The following ADAD1 variants were observed in gnomAD, a reference collection of about 807,000 sequenced individuals.
ADAD1 encodes the protein adenosine deaminase domain-containing protein 1.
ADAD1 carries 46 observed loss-of-function variants against 66.8 expected under a neutral mutation model. That is an observed-to-expected ratio of 0.69 (90% CI 0.54 to 0.88). The LOEUF is 0.88. Ranked by LOEUF, ADAD1 falls within the 40% of genes least tolerant of loss-of-function variation. The pLI is 0.00. For missense variants in ADAD1, 617 were observed against 681.8 expected (o/e 0.91, Z 1.06); for synonymous variants, 248 against 229.4 (o/e 1.08, Z -0.73).
intron 5 of ADAD1, among the ~76,000 whole-genome samples, chr4:122,391,231 C>T (rs1795421038): frequency 6.6e-6 from 1 of 152,224 alleles, no homozygotes; most frequent in South Asian, 2.1e-4. Context: ...AAGATGGGTG[C>T]CTGCTCCTCC....
chr4:122,410,240 C>G (rs1037791865), intron 8 of ADAD1, among the ~76,000 whole-genome samples: 8 of 152,120 alleles, frequency 5.3e-5, no homozygotes, highest in Admixed American at 5.2e-4. Flanking sequence ...CATCTCATTG[C>G]CCTCCACCCC....
chr4:122,400,001 T>G (rs1795898062), intron 7 of ADAD1, among the ~76,000 whole-genome samples: 1 of 152,092 alleles, frequency 6.6e-6, no homozygotes. Context: ...ATTTCTGTCT[T>G]TTGTCAGGTT....
At chr4:122,391,777 T>C (rs548887070) in intron 5 of ADAD1, among the ~76,000 whole-genome samples, 5 of 152,344 alleles carry the variant, frequency 3.3e-5, no homozygotes, top group Middle Eastern at 3.4e-3. Context: ...TGGCGCAGTC[T>C]TAGCTCACTG....
chr4:122,409,290 TCTC>T (rs907556835), intron 8 of ADAD1, among the ~76,000 whole-genome samples: 81 of 152,354 alleles, frequency 5.3e-4, no homozygotes, highest in African/African-American at 1.9e-3. Flanking sequence ...GAGTGCTACT[TCTC>T]ATAATATCCA....
chr4:122,383,031 G>A (rs72928022), intron 4 of ADAD1, among the ~76,000 whole-genome samples: 6 of 152,188 alleles, frequency 3.9e-5, no homozygotes, highest in African/African-American at 1.2e-4. Context: ...ATTCCTAAAG[G>A]CCTCCTAAAG....
In ADAD1 at chr4:122,381,047, CCT is replaced by C. The variant is rs779059223; in HGVS notation, c.229_230del (p.Leu77SerfsTer7). ...KNLSSISNPV[L>X]PPKKIPKEFI... ...ATCTTTCATCTATTTCAAATCCTGTCCTTCCTCCAAAAAAAATACCTAAGGAA... is the reference window on the plus strand; with the variant it reads ...ATCTTTCATCTATTTCAAATCCTGTCTCCTCCAAAAAAAATACCTAAGGAA... On this transcript the variant is annotated frameshift_variant, in exon 4 of 13. Transcript: ENST00000296513. LOFTEE classifies it high-confidence loss of function. 1.3e-6 allele frequency: 2 copies of C among 1,599,672 alleles called. No individual in the cohort carries two copies. The highest frequency in any genetic ancestry group is 1.7e-6 in the Non-Finnish European group (2 of 1,176,848).
chr4:122,380,144 A>G lies in ADAD1; in HGVS notation c.75A>G (p.Pro25=). 2 of 1,614,184 alleles carry G rather than the reference A, an allele frequency of 1.2e-6. No individual in the cohort carries two copies. The highest frequency in any genetic ancestry group is 1.7e-6 in the Non-Finnish European group (2 of 1,180,026). The change falls in exon 3 of 13, where the codon CCA becomes CCG. Residue 25 remains proline, a synonymous_variant. Coordinates refer to ENST00000296513, the MANE Select transcript of ADAD1 (RefSeq NM_139243.4). ...CCCAGATGCTGAAAAAGAACCTGCC[A>G]GTTCAACCAGCGACAAAGACGATAA... ...SFAQMLKKNL[P]VQPATKTITT...
intron 7 of ADAD1, among the ~76,000 whole-genome samples, chr4:122,405,201 G>A (rs1796152362): frequency 6.6e-6 from 1 of 152,134 alleles, no homozygotes; most frequent in African/African-American, 2.4e-5. Flanking sequence ...TCTGTGCCCA[G>A]GTGTCCATGA....
chr4:122,385,472 C>A (rs1580737744), intron 5 of ADAD1, among the ~76,000 whole-genome samples: 1 of 152,212 alleles, frequency 6.6e-6, no homozygotes, highest in South Asian at 2.1e-4. Context: ...GGGGTTTCAC[C>A]ATGTTGGCCA....
chr4:122,419,230 G>A (rs1796896957), intron 11 of ADAD1, among the ~76,000 whole-genome samples: 1 of 152,164 alleles, frequency 6.6e-6, no homozygotes, highest in African/African-American at 2.4e-5. Context: ...CCTCTGCAGG[G>A]CCATGGATGG....
At chr4:122,384,313 T>A (rs1039144128) in intron 5 of ADAD1, among the ~76,000 whole-genome samples, 1 of 152,196 alleles carries the variant, frequency 6.6e-6, no homozygotes, top group African/African-American at 2.4e-5. Flanking sequence ...AATGCAGCGT[T>A]TGTGAAGTTT....
Position 122,408,027 on chromosome 4 carries a change from C to G in ADAD1, c.844C>G (p.Leu282Val). 6.2e-7 allele frequency: 1 copy of G among 1,612,402 alleles called. No homozygotes were observed. Among genetic ancestry groups the G allele is most frequent in the East Asian group, 2.2e-5 (1 of 44,738 alleles). Residue 282 changes from leucine to valine, a missense_variant, in exon 8 of 13, where the codon CTT becomes GTT. Coordinates refer to ENST00000296513, the MANE Select transcript of ADAD1 (RefSeq NM_139243.4). ...HAVVTARRSL[L>V]RYFYRQLLLF... ...TGTTGTTACAGCAAGAAGGTCTCTT[C>G]TTAGGTAAGACAATACATATATTAA...
intron 3 of ADAD1, 106 bp downstream of exon 3, chr4:122,380,347 A>G: frequency 7.4e-7 from 1 of 1,351,812 alleles, no homozygotes; most frequent in Non-Finnish European, 1.0e-6. Context: ...TTGTATAGAC[A>G]TTTACCCGTG....
intron 7 of ADAD1, among the ~76,000 whole-genome samples, chr4:122,399,751 T>TC (rs1487118421): frequency 6.6e-5 from 10 of 151,040 alleles, no homozygotes; most frequent in African/African-American, 2.2e-4. Flanking sequence ...TTTTTTTTTT[T>TC]TTTTTTTAGC....
At chr4:122,411,615 T>A (rs1225071303) in intron 9 of ADAD1, among the ~76,000 whole-genome samples, 1 of 152,174 alleles carries the variant, frequency 6.6e-6, no homozygotes, top group African/African-American at 2.4e-5. Context: ...AAGTCTGAGA[T>A]TCAAAATGCT....
chr4:122,421,535 A>T, intron 12 of ADAD1, 145 bp downstream of exon 12: 1 of 765,804 alleles, frequency 1.3e-6, no homozygotes, highest in Non-Finnish European at 1.8e-6. Context: ...ATTGGTTTTT[A>T]AATGAACATG....
At position 122,384,738 on chromosome 4, in the gene ADAD1, C is replaced by T. The variant is rs990603003; in HGVS notation, c.529+772C>T. ...TTTCAGAATGTTTATGTAGGGCTAG[C>T]GAATGTTTTGCCCACTGGTCTGCAA... On this transcript the variant is annotated intron_variant, in intron 5 of 12. Transcript: ENST00000296513. Among the ~76,000 whole-genome samples, 7 of 152,250 alleles carry T rather than the reference C, an allele frequency of 4.6e-5. No homozygotes were observed. In the East Asian group the frequency reaches 1.3e-3, roughly 29 times the overall value.
chr4:122,405,212 A>G (rs986836686), intron 7 of ADAD1, among the ~76,000 whole-genome samples: 6 of 152,190 alleles, frequency 3.9e-5, no homozygotes, highest in Admixed American at 6.5e-5. Context: ...GTGTCCATGA[A>G]TAATATATCT....
At chr4:122,405,592 C>T (rs1796170859) in intron 7 of ADAD1, among the ~76,000 whole-genome samples, 1 of 152,116 alleles carries the variant, frequency 6.6e-6, no homozygotes. Flanking sequence ...ACCTGCTCTC[C>T]ACCCTACCAC....
Sources: gnomAD v4.1 joint callset for allele counts (sites outside exome capture counted in the v4.1 genomes callset) on GRCh38, gnomAD v4.1.1 for gene constraint, MANE v1.5 for transcripts, NCBI Gene and HGNC (gene_info 2026-07-23, HGNC 2026-07-21) for gene names.